The following RIC8B variants were observed in gnomAD, a reference collection of about 807,000 sequenced individuals.
The protein encoded by RIC8B is chaperone Ric-8B.
A neutral mutation model predicts 57.5 loss-of-function variants in RIC8B; 16 were observed. The ratio of observed to expected loss-of-function variants is 0.28; its 90% confidence interval spans 0.19 to 0.42. The LOEUF is 0.42. Ranked by LOEUF, RIC8B falls within the 10% of genes least tolerant of loss-of-function variation. The pLI, the probability that RIC8B is intolerant of heterozygous loss-of-function variation, is 1.00. For synonymous variants in RIC8B, 216 were observed against 250.8 expected (o/e 0.86, Z 1.31); for missense variants, 481 against 677.0 (o/e 0.71, Z 3.21).
intron 7 of RIC8B, among the ~76,000 whole-genome samples, chr12:106,854,300 G>C (rs780442967): frequency 6.6e-6 from 1 of 151,728 alleles, no homozygotes; most frequent in Non-Finnish European, 1.5e-5. Flanking sequence ...ATTTGGGTTT[G>C]GAGGTAGACT....
chr12:106,849,643 C>G (rs1182210307), intron 6 of RIC8B, among the ~76,000 whole-genome samples: 3 of 151,900 alleles, frequency 2.0e-5, no homozygotes, highest in African/African-American at 7.3e-5. Context: ...AATCACTAGC[C>G]TGAAAAGCCC....
intron 4 of RIC8B, among the ~76,000 whole-genome samples, chr12:106,839,438 G>A (rs904980481): frequency 5.3e-5 from 8 of 152,150 alleles, no homozygotes; most frequent in African/African-American, 1.9e-4. Context: ...AATAAACCAG[G>A]CACAGGACAA....
At chr12:106,808,899 G>A (rs984035826) in intron 2 of RIC8B, among the ~76,000 whole-genome samples, 6 of 152,012 alleles carry the variant, frequency 3.9e-5, no homozygotes, top group African/African-American at 1.2e-4. Context: ...TTGATAGATC[G>A]TTTGAATGCC....
chr12:106,789,169 C>T lies in RIC8B; in HGVS notation c.132+5125C>T, dbSNP rs541693819. ...CTTTGCTAAAACATGACAAGAGTCA[C>T]CTTTGCTCCACTTGCAACAAGTTTC... On this transcript the variant is annotated intron_variant, in intron 2 of 9. Coordinates refer to ENST00000392837, the MANE Select transcript of RIC8B (RefSeq NM_001330145.2). 1.4e-4 allele frequency among the ~76,000 whole-genome samples: 21 copies of T among 152,310 alleles called. No individual in the cohort carries two copies. The South Asian group carries it at 4.4e-3, about 32-fold the overall frequency.
intron 9 of RIC8B, chr12:106,871,500 C>CAAAAAAAAAAAAAAAAA (rs1566169701): frequency 6.0e-5 from 4 of 66,576 alleles, no homozygotes; most frequent in Admixed American, 1.8e-4. Context: ...AAAAAAAAAC[C>CAAAAAAAAAAAAAAAAA]AAAAAACTCC....
At chr12:106,846,522 T>C (rs1949193604) in intron 6 of RIC8B, among the ~76,000 whole-genome samples, 1 of 152,172 alleles carries the variant, frequency 6.6e-6, no homozygotes, top group Admixed American at 6.5e-5. Context: ...CCAGAAAGCA[T>C]GAATAATGAT....
intron 6 of RIC8B, 36 bp from the exon 7 acceptor site, chr12:106,851,414 C>T (rs1474651352): frequency 1.2e-6 from 2 of 1,600,822 alleles, no homozygotes; most frequent in Non-Finnish European, 1.7e-6. Flanking sequence ...CTCTAGTAGC[C>T]TCGATTGATG....
intron 2 of RIC8B, among the ~76,000 whole-genome samples, chr12:106,808,745 A>G (rs760816920): frequency 6.6e-6 from 1 of 152,204 alleles, no homozygotes; most frequent in African/African-American, 2.4e-5. Flanking sequence ...GTGTTTTCTA[A>G]TAACCTATTT....
In RIC8B at chr12:106,885,979, C is replaced by T. The variant is rs1190039506; in HGVS notation, c.1647C>T (p.Tyr549=). The T allele has an allele frequency of 1.2e-6, 2 of 1,613,748 alleles. No homozygotes were observed. The highest frequency in any genetic ancestry group is 1.7e-5 in the Admixed American group (1 of 60,000). The stretch of plus-strand genomic sequence containing the variant: ...CTTTGGAGGAAGCACTCAACCAGTA[C>T]TCTGTCATCGAAGAGACCAGCTCTG... ...ITPLEEALNQ[Y]SVIEETSSDT... is the part of the protein sequence containing the mutation. Residue 549 remains tyrosine (Y), a synonymous_variant, in exon 10 of 10, where the codon TAC becomes TAT. Transcript: ENST00000392837.
chr12:106,864,549 G>GCAAA (rs1238087250), intron 8 of RIC8B, among the ~76,000 whole-genome samples: 2 of 152,112 alleles, frequency 1.3e-5, no homozygotes, highest in African/African-American at 2.4e-5. Context: ...TTTGTCCAGG[G>GCAAA]CAAACAGTTC....
intron 3 of RIC8B, among the ~76,000 whole-genome samples, chr12:106,820,926 GCTGT>G (rs2045811822): frequency 6.6e-6 from 1 of 152,168 alleles, no homozygotes; most frequent in African/African-American, 2.4e-5. Flanking sequence ...AAGCCTGCTT[GCTGT>G]CTTTCTCTTC....
intron 4 of RIC8B, among the ~76,000 whole-genome samples, chr12:106,834,571 G>A (rs1200853667): frequency 6.6e-6 from 1 of 152,072 alleles, no homozygotes; most frequent in Non-Finnish European, 1.5e-5. Flanking sequence ...CTTTGCATTT[G>A]TTTGTGACAT....
chr12:106,814,681 G>A lies in RIC8B; in HGVS notation c.133-15G>A, dbSNP rs746379315. ...GCCAAATAATGATTTTTGCATACTC[G>A]TTCTTGTTTTTCAGAAACTCTGTGA... On this transcript the variant is annotated splice_polypyrimidine_tract_variant and intron_variant, in intron 2 of 9. Transcript: ENST00000392837. 12 of 1,566,104 alleles carry A rather than the reference G, an allele frequency of 7.7e-6. No individual in the cohort carries two copies. The highest frequency in any genetic ancestry group is 1.9e-5 in the Admixed American group (1 of 51,834).
chr12:106,803,725 C>T (rs2044860058), intron 2 of RIC8B, among the ~76,000 whole-genome samples: 1 of 152,170 alleles, frequency 6.6e-6, no homozygotes. Context: ...ACCCTCAGCC[C>T]ATTAAATCCT....
intron 6 of RIC8B, 25 bp downstream of exon 6, chr12:106,843,972 T>C: frequency 6.8e-7 from 1 of 1,465,708 alleles, no homozygotes; most frequent in Admixed American, 1.7e-5. Context: ...CATATTACAT[T>C]GCAAAGTTAG....
chr12:106,796,595 A>G (rs183704263), intron 2 of RIC8B, among the ~76,000 whole-genome samples: 3 of 152,358 alleles, frequency 2.0e-5, no homozygotes, highest in African/African-American at 7.2e-5. Context: ...TTCTTAGGAG[A>G]AAACATAAAG....
At chr12:106,782,204 G>A (rs527580357) in intron 1 of RIC8B, among the ~76,000 whole-genome samples, 18 of 152,116 alleles carry the variant, frequency 1.2e-4, no homozygotes, top group Non-Finnish European at 2.1e-4. Flanking sequence ...TCCAGTTCTC[G>A]CTTTTTTTCT....
chr12:106,874,977 CAGTATGTGATGATG>C (rs1950598567), intron 9 of RIC8B, among the ~76,000 whole-genome samples: 1 of 152,080 alleles, frequency 6.6e-6, no homozygotes, highest in Non-Finnish European at 1.5e-5. Flanking sequence ...GTGGTTTCCA[CAGTATGTGATGATG>C]AAATAATGAA....
chr12:106,821,710 A>G (rs1212421477), intron 3 of RIC8B, among the ~76,000 whole-genome samples: 1 of 152,178 alleles, frequency 6.6e-6, no homozygotes, highest in East Asian at 1.9e-4. Context: ...AGATATGTGC[A>G]ATGACTCTCT....
Sources: gnomAD v4.1 joint callset for allele counts (sites outside exome capture counted in the v4.1 genomes callset) on GRCh38, gnomAD v4.1.1 for gene constraint, MANE v1.5 for transcripts, NCBI Gene and HGNC (gene_info 2026-07-23, HGNC 2026-07-21) for gene names.